BCR: variants seen among roughly 807,000 people sequenced by gnomAD.
BCR encodes the protein breakpoint cluster region protein.
In BCR, 58 loss-of-function variants were observed where a neutral mutation model predicts 138.6. The observed-to-expected ratio is 0.42, with a 90% CI of 0.34 to 0.52. The LOEUF is 0.52. Among genes scored for constraint, BCR ranks in the 20% least tolerant of loss-of-function variants. The pLI is 0.06. For synonymous variants in BCR, 786 were observed against 730.1 expected (o/e 1.08, Z -1.23); for missense variants, 1,599 against 1,727.2 (o/e 0.93, Z 1.32).
intron 1 of BCR, among the ~76,000 whole-genome samples, chr22:23,248,301 G>A (rs571434705): frequency 5.3e-5 from 8 of 150,374 alleles, no homozygotes; most frequent in East Asian, 3.9e-4. Context: ...CCAAGATCGC[G>A]CCATTATACT....
chr22:23,228,007 A>ACAG (rs2072913624), intron 1 of BCR, among the ~76,000 whole-genome samples: 1 of 152,216 alleles, frequency 6.6e-6, no homozygotes, highest in Non-Finnish European at 1.5e-5. Flanking sequence ...ACTTATGTGC[A>ACAG]CAGAGTTGTT....
intron 1 of BCR, among the ~76,000 whole-genome samples, chr22:23,243,898 C>T (rs2073126569): frequency 6.6e-6 from 1 of 152,152 alleles, no homozygotes; most frequent in South Asian, 2.1e-4. Context: ...GCCTCAGCCT[C>T]CCAAAGTTGC....
chr22:23,187,090 GC>G (rs2072352844), intron 1 of BCR, among the ~76,000 whole-genome samples: 1 of 152,180 alleles, frequency 6.6e-6, no homozygotes, highest in Non-Finnish European at 1.5e-5. Context: ...GTCCCAGGGA[GC>G]CTGGTTCTGA....
At position 23,180,731 on chromosome 22, in the gene BCR, G is replaced by GCGGCGCGCGCAGCCCGCGCCCTTCCCCC. The variant is rs1361576919; in HGVS notation, c.-221_-194dup. On this transcript the variant is annotated 5_prime_UTR_variant, in exon 1 of 23. Coordinates refer to ENST00000305877, the MANE Select transcript of BCR (RefSeq NM_004327.4). ...GTGCGGAGGAGCCCCGCACACAATA[G>GCGGCGCGCGCAGCCCGCGCCCTTCCCCC]CGGCGCGCGCAGCCCGCGCCCTTCC... 6.7e-6 allele frequency: 1 copy of GCGGCGCGCGCAGCCCGCGCCCTTCCCCC among 149,284 alleles called. No individual in the cohort carries two copies. The highest frequency in any genetic ancestry group is 1.5e-5 in the Non-Finnish European group (1 of 67,564). The allele number at this position is 149,284 out of a possible 1,614,324, so 9.2% of individuals were successfully genotyped here.
intron 16 of BCR, among the ~76,000 whole-genome samples, chr22:23,299,359 C>T (rs1020159275): frequency 1.1e-4 from 17 of 152,166 alleles, no homozygotes; most frequent in Non-Finnish European, 1.8e-4. Context: ...TCATTCGTCT[C>T]GGAATGCCCC....
At chr22:23,266,686 C>G (rs950394576) in intron 4 of BCR, among the ~76,000 whole-genome samples, 1 of 152,240 alleles carries the variant, frequency 6.6e-6, no homozygotes, top group African/African-American at 2.4e-5. Context: ...GCCCAGACAA[C>G]CTTGACATTT....
intron 1 of BCR, among the ~76,000 whole-genome samples, chr22:23,188,111 T>TC (rs1461960874): frequency 2.6e-5 from 4 of 152,190 alleles, no homozygotes; most frequent in African/African-American, 9.7e-5. Flanking sequence ...GGCCAGAGCC[T>TC]CGTGGCCACC....
chr22:23,279,378 T>C (rs1345341877), intron 8 of BCR, among the ~76,000 whole-genome samples: 1 of 152,234 alleles, frequency 6.6e-6, no homozygotes, highest in African/African-American at 2.4e-5. Flanking sequence ...CATTCTCGGC[T>C]GCAGTGTATA....
At chr22:23,237,703 G>A (rs1224337627) in intron 1 of BCR, among the ~76,000 whole-genome samples, 1 of 152,240 alleles carries the variant, frequency 6.6e-6, no homozygotes, top group East Asian at 1.9e-4. Flanking sequence ...TTGGGCTGCT[G>A]AGACGGGCGG....
intron 1 of BCR, 73 bp downstream of exon 1, chr22:23,182,312 A>G: frequency 7.0e-7 from 1 of 1,429,778 alleles, no homozygotes; most frequent in Non-Finnish European, 9.2e-7. Flanking sequence ...AGGGGATACA[A>G]AACAGAAGTT....
intron 1 of BCR, among the ~76,000 whole-genome samples, chr22:23,207,744 C>T (rs762859125): frequency 6.6e-6 from 1 of 152,210 alleles, no homozygotes; most frequent in Non-Finnish European, 1.5e-5. Flanking sequence ...CCACAGGTTT[C>T]TCAGACACTT....
At chr22:23,216,591 G>T (rs1274056142) in intron 1 of BCR, among the ~76,000 whole-genome samples, 1 of 152,246 alleles carries the variant, frequency 6.6e-6, no homozygotes, top group Middle Eastern at 3.2e-3. Flanking sequence ...GTCATCTCTT[G>T]TTCGGTAACA....
intron 20 of BCR, among the ~76,000 whole-genome samples, chr22:23,313,575 G>C (rs1042724272): frequency 2.6e-5 from 4 of 152,140 alleles, no homozygotes; most frequent in African/African-American, 9.7e-5. Context: ...TGGTGGGGCT[G>C]GGACCCTCCC....
rs772274795 is a variant in BCR, at chr22:23,295,029, T to A, written c.2886T>A (p.Phe962Leu). Residue 962 changes from phenylalanine (F) to leucine (L), a missense_variant, in exon 16 of 23, where the codon TTT (phenylalanine) becomes TTA (leucine). By Grantham distance (22) the Phe-to-Leu change is conservative. Transcript: ENST00000305877. ...CTTCTCCCTTGGGGCTGCAGGAATT[T>A]GAGATAGAGCTGGAGGGCTCCCAGA... ...DTAEPNWNEE[F>L]EIELEGSQTL... The A allele has an allele frequency of 6.2e-7, 1 of 1,613,794 alleles. No individual in the cohort carries two copies. Among genetic ancestry groups the A allele is most frequent in the Non-Finnish European group, 8.5e-7 (1 of 1,179,840 alleles).
chr22:23,297,207 G>GCTTT (rs2073854377), intron 16 of BCR, among the ~76,000 whole-genome samples: 1 of 97,382 alleles, frequency 1.0e-5, no homozygotes, highest in African/African-American at 4.9e-5. Context: ...TGGCTAAGTT[G>GCTTT]TTTTTTGTTT....
At chr22:23,293,033 A>T (rs903077169) in intron 15 of BCR, among the ~76,000 whole-genome samples, 1 of 151,196 alleles carries the variant, frequency 6.6e-6, no homozygotes, top group Non-Finnish European at 1.5e-5. Context: ...TGGGGCTGGG[A>T]CAGGGACTGT....
At chr22:23,278,686 C>T (rs1487157664) in intron 8 of BCR, among the ~76,000 whole-genome samples, 1 of 152,096 alleles carries the variant, frequency 6.6e-6, no homozygotes, top group African/African-American at 2.4e-5. Flanking sequence ...GAGATCACGC[C>T]ATTGCACTCT....
chr22:23,227,578 A>G (rs995816047), intron 1 of BCR, among the ~76,000 whole-genome samples: 11 of 152,220 alleles, frequency 7.2e-5, no homozygotes, highest in Admixed American at 2.6e-4. Context: ...TTGTAAGTCT[A>G]TTTTCAGCTT....
At chr22:23,240,514 G>A (rs2073077809) in intron 1 of BCR, among the ~76,000 whole-genome samples, 1 of 152,036 alleles carries the variant, frequency 6.6e-6, no homozygotes, top group Non-Finnish European at 1.5e-5. Context: ...AGCCGGGCGT[G>A]GTGGCGGGCG....
Sources: gnomAD v4.1 joint callset for allele counts (sites outside exome capture counted in the v4.1 genomes callset) on GRCh38, gnomAD v4.1.1 for gene constraint, MANE v1.5 for transcripts, NCBI Gene and HGNC (gene_info 2026-07-23, HGNC 2026-07-21) for gene names.